The following WDR27 variants were observed in gnomAD, a reference collection of about 807,000 sequenced individuals.
WDR27 encodes the protein WD repeat domain 27.
WDR27 carries 100 observed loss-of-function variants against 114.4 expected under a neutral mutation model. The ratio of observed to expected loss-of-function variants is 0.87; its 90% CI spans 0.74 to 1.03. The LOEUF (loss-of-function observed/expected upper bound fraction) is 1.03, where lower values mean the gene tolerates loss of function less well. Ranked by LOEUF, WDR27 falls within the 50% of genes least tolerant of loss-of-function variation. The pLI is 0.00. For missense variants in WDR27, 1,129 were observed against 1,092.9 expected, an observed-to-expected ratio of 1.03 and a Z score of -0.47; for synonymous variants, 449 against 423.1, an observed-to-expected ratio of 1.06 and a Z score of -0.75.
At chr6:169,479,882 T>C (rs565498926) in intron 25 of WDR27, among the ~76,000 whole-genome samples, 37 of 152,238 alleles carry the variant, frequency 2.4e-4, no homozygotes, top group African/African-American at 6.5e-4. Flanking sequence ...GACAATGTGC[T>C]AGCAGCCCTC....
intron 22 of WDR27, among the ~76,000 whole-genome samples, chr6:169,607,235 G>A (rs546442337): frequency 1.3e-5 from 2 of 152,184 alleles, no homozygotes; most frequent in South Asian, 4.1e-4. Context: ...CCCCACTGCT[G>A]GGTATCTACC....
intron 25 of WDR27, among the ~76,000 whole-genome samples, chr6:169,481,455 C>T (rs552048285): frequency 2.6e-5 from 4 of 152,342 alleles, no homozygotes; most frequent in Admixed American, 6.5e-5. Flanking sequence ...GCTCGGGTTC[C>T]CTTCCACGCT....
At chr6:169,612,825 T>C (rs925978275) in intron 22 of WDR27, among the ~76,000 whole-genome samples, 1 of 152,162 alleles carries the variant, frequency 6.6e-6, no homozygotes, top group Non-Finnish European at 1.5e-5. Flanking sequence ...ACCAGCAATG[T>C]GATATGGTCA....
chr6:169,504,342 G>GCCTT (rs1791733177), intron 25 of WDR27, among the ~76,000 whole-genome samples: 1 of 152,168 alleles, frequency 6.6e-6, no homozygotes, highest in East Asian at 1.9e-4. Flanking sequence ...GTCAAGGGTA[G>GCCTT]GACCAGGTGG....
chr6:169,675,945 A>G (rs6924023), intron 2 of WDR27, among the ~76,000 whole-genome samples: 59,099 of 152,064 alleles, frequency 0.39, 13,723 homozygotes, highest in East Asian at 0.94. Flanking sequence ...AGACTTTGCA[A>G]GGCAATTTCA....
intron 25 of WDR27, among the ~76,000 whole-genome samples, chr6:169,526,054 A>G (rs1435172792): frequency 6.6e-6 from 1 of 152,164 alleles, no homozygotes; most frequent in African/African-American, 2.4e-5. Context: ...AGATAGATAG[A>G]GAATAGAGTG....
the WDR27 span, among the ~76,000 whole-genome samples, chr6:169,428,003 G>C: frequency 6.6e-6 from 1 of 152,136 alleles, no homozygotes; most frequent in South Asian, 2.1e-4. Flanking sequence ...GGAGAAAGCA[G>C]AAGAAAGCGG....
At chr6:169,520,567 C>T (rs987039072) in intron 25 of WDR27, among the ~76,000 whole-genome samples, 27 of 152,232 alleles carry the variant, frequency 1.8e-4, no homozygotes, top group African/African-American at 6.5e-4. Context: ...CAGTGACTGA[C>T]TCTCACAAGA....
chr6:169,660,732 C>G lies in WDR27; in HGVS notation c.1060G>C (p.Gly354Arg), dbSNP rs772785976. ...AATACGAATAAGCCCACTGAGCTTC[C>G]GATCCACACACATCGGGTGTTCTCA... Reference protein sequence around the residue: ...SSENTRCVWIGSSVGLFVFNL... With the variant: ...SSENTRCVWIRSSVGLFVFNL... The change falls in exon 10 of 26, where the codon GGA (glycine) becomes CGA (arginine). Residue 354 changes from glycine (G) to arginine (R), a missense_variant. By Grantham distance (125) the Gly-to-Arg change is moderately radical (BLOSUM62 -2). Transcript: ENST00000448612. 1 of 1,612,876 alleles carries G rather than the reference C, an allele frequency of 6.2e-7. No individual in the cohort carries two copies. Among genetic ancestry groups the G allele is most frequent in the Non-Finnish European group, 8.5e-7 (1 of 1,179,520 alleles).
chr6:169,630,918 T>G (rs1816181827), intron 21 of WDR27, among the ~76,000 whole-genome samples: 1 of 130,658 alleles, frequency 7.7e-6, no homozygotes, highest in Non-Finnish European at 1.7e-5. Context: ...ATCAATAAGG[T>G]GGGTATTAGG....
In WDR27 at chr6:169,670,619, G is replaced by C. The variant is rs978065503; in HGVS notation, c.406C>G (p.His136Asp). 6.2e-7 allele frequency: 1 copy of C among 1,613,910 alleles called. No homozygotes were observed. Among genetic ancestry groups the C allele is most frequent in the African/African-American group, 1.3e-5 (1 of 75,006 alleles). The part of the protein sequence containing the change: ...VLCLQLSLDD[H>D]VVAVCAGNKI... Reference sequence around the variant, plus strand: ...TTTCCAGCACACACGGCAACAACATGATCATCCAGGCTCAACTGTAAACAC... The same window carrying C: ...TTTCCAGCACACACGGCAACAACATCATCATCCAGGCTCAACTGTAAACAC... The change falls in exon 4 of 26, where the codon CAT (histidine) becomes GAT (aspartate). Residue 136 changes from histidine (H) to aspartate (D), a missense_variant. Transcript: ENST00000448612.
At chr6:169,680,876 C>A (rs993889493) in intron 2 of WDR27, among the ~76,000 whole-genome samples, 9 of 152,152 alleles carry the variant, frequency 5.9e-5, no homozygotes, top group Non-Finnish European at 1.2e-4. Context: ...ATACTAAACA[C>A]ATATGTGCTT....
chr6:169,492,011 C>T (rs1159838200), intron 25 of WDR27, among the ~76,000 whole-genome samples: 1 of 151,950 alleles, frequency 6.6e-6, no homozygotes, highest in African/African-American at 2.4e-5. Flanking sequence ...GCTAAGAGGA[C>T]AGACAACCAA....
At chr6:169,584,265 CAT>C (rs1211709085) in intron 23 of WDR27, among the ~76,000 whole-genome samples, 3 of 152,156 alleles carry the variant, frequency 2.0e-5, no homozygotes, top group African/African-American at 7.2e-5. Flanking sequence ...GTTGTGTGTA[CAT>C]GTGTGTACAG....
At chr6:169,575,869 A>G (rs1453339605) in intron 24 of WDR27, among the ~76,000 whole-genome samples, 1 of 152,246 alleles carries the variant, frequency 6.6e-6, no homozygotes, top group Non-Finnish European at 1.5e-5. Flanking sequence ...AGGAAGGATG[A>G]ATATTTTAAG....
At chr6:169,550,875 C>G (rs1297206337) in intron 25 of WDR27, among the ~76,000 whole-genome samples, 1 of 152,136 alleles carries the variant, frequency 6.6e-6, no homozygotes, top group African/African-American at 2.4e-5. Context: ...GCCACCACGC[C>G]TGGTTAACTT....
At position 169,637,053 on chromosome 6, in the gene WDR27, A is replaced by G. The variant is rs1214241377; in HGVS notation, c.1870-549T>C. ...AAAATAAATCCCAACATCTTTGAAA[A>G]TTGGACTGCTTTTTATGTTATGTTC... On this transcript the variant is annotated intron_variant, in intron 18 of 25. Transcript: ENST00000448612. Among the ~76,000 whole-genome samples, 3 of 152,192 alleles carry G rather than the reference A, an allele frequency of 2.0e-5. No homozygotes were observed. In the East Asian group the frequency reaches 5.8e-4, roughly 29 times the overall value.
intron 25 of WDR27, among the ~76,000 whole-genome samples, chr6:169,563,950 A>C (rs182822745): frequency 6.6e-6 from 1 of 152,368 alleles, no homozygotes; most frequent in East Asian, 1.9e-4. Flanking sequence ...CTCATAGGAT[A>C]GATGATGAGT....
chr6:169,680,058 T>C (rs1781108699), intron 2 of WDR27, among the ~76,000 whole-genome samples: 1 of 152,160 alleles, frequency 6.6e-6, no homozygotes, highest in Admixed American at 6.5e-5. Context: ...TCAATATAAA[T>C]GCCTTTCAAA....
Sources: gnomAD v4.1 joint callset for allele counts (sites outside exome capture counted in the v4.1 genomes callset) on GRCh38, gnomAD v4.1.1 for gene constraint, MANE v1.5 for transcripts, NCBI Gene and HGNC (gene_info 2026-07-23, HGNC 2026-07-21) for gene names.